The following KCNIP2 variants were observed in gnomAD, a reference collection of about 807,000 sequenced individuals.
KCNIP2 encodes the protein potassium voltage-gated channel interacting protein 2.
KCNIP2 carries 19 observed loss-of-function variants against 39.0 expected under a neutral mutation model. That is an observed-to-expected ratio of 0.49 (90% CI 0.34 to 0.71). The LOEUF (loss-of-function observed/expected upper bound fraction) is 0.71. Among genes scored for constraint, KCNIP2 ranks in the 30% least tolerant of loss-of-function variants. The probability of loss-of-function intolerance (pLI) is 0.01; values close to 1 mark genes in which losing one functional copy is unlikely to be tolerated. For synonymous variants in KCNIP2, 111 were observed against 131.2 expected, an observed-to-expected ratio of 0.85 and a Z score of 1.05; for missense variants, 261 against 346.0, an observed-to-expected ratio of 0.75 and a Z score of 1.95.
In KCNIP2 at chr10:101,828,207, G is replaced by A; in HGVS notation, c.541C>T (p.Leu181Phe). Residue 181 changes from leucine (L) to phenylalanine (F), a missense_variant, in exon 7 of 10, where the codon CTT (leucine) becomes TTT (phenylalanine). Leu to Phe is a conservative substitution (Grantham distance 22). Coordinates refer to ENST00000356640, the MANE Select transcript of KCNIP2 (RefSeq NM_173191.3). This position sits in a 1 kb window ranked among gnomAD's most constrained non-coding sequence, Gnocchi z 6.6. ...VILRGTVDDR[L>F]NWAFNLYDLN... is the part of the protein sequence containing the mutation. ...TCATACAGGTTGAAGGCCCAATTAA[G>A]CCTGTCATCTACAGTTCCCCGAAGA... 6.2e-7 allele frequency: 1 copy of A among 1,614,138 alleles called. No individual in the cohort carries two copies. Among genetic ancestry groups the A allele is most frequent in the Non-Finnish European group, 8.5e-7 (1 of 1,180,036 alleles).
intron 1 of KCNIP2, chr10:101,839,838 C>A: frequency 6.2e-7 from 1 of 1,601,496 alleles, no homozygotes; most frequent in Non-Finnish European, 8.5e-7. Flanking sequence ...GGCATCGGTT[C>A]ATGGTTTGGC....
At chr10:101,839,260 A>G (rs1225441259) in intron 1 of KCNIP2, among the ~76,000 whole-genome samples, 1 of 152,214 alleles carries the variant, frequency 6.6e-6, no homozygotes, top group East Asian at 1.9e-4. Flanking sequence ...ACACAAGTCT[A>G]TCAGTCCCAT....
rs1431521701 is a variant in KCNIP2 at position 101,838,574 on chromosome 10, G to C, written c.73+4922C>G. On this transcript the variant is annotated intron_variant, in intron 1 of 9. Transcript: ENST00000356640. This position sits in a 1 kb window ranked among gnomAD's most constrained non-coding sequence, Gnocchi z 4.0. ...CTCCCTAGACGTTGGGGCTATTTTG[G>C]GTCCTGGAAGTCATGCCTGCAATGA... 1.3e-5 allele frequency among the ~76,000 whole-genome samples: 2 copies of C among 152,146 alleles called. No individual in the cohort carries two copies. Among genetic ancestry groups the C allele is most frequent in the Admixed American group, 1.3e-4 (2 of 15,276 alleles).
chr10:101,827,239 A>T lies in KCNIP2; in HGVS notation c.*114T>A. 1 of 1,418,116 alleles carries T rather than the reference A, an allele frequency of 7.1e-7. No homozygotes were observed. Among genetic ancestry groups the T allele is most frequent in the Non-Finnish European group, 9.2e-7 (1 of 1,083,032 alleles). The allele number at this position is 1,418,116 out of a possible 1,614,324, so 87.8% of individuals were successfully genotyped here. On this transcript the variant is annotated 3_prime_UTR_variant, in exon 10 of 10. Transcript: ENST00000356640. ...AATCCCCAAGCTCTTGGATCCCTCCAGCCCCCAGGGAGGCGTAGGATGAGG... is the reference window on the plus strand; with the variant it reads ...AATCCCCAAGCTCTTGGATCCCTCCTGCCCCCAGGGAGGCGTAGGATGAGG...
At chr10:101,839,128 C>A (rs755239302) in intron 1 of KCNIP2, among the ~76,000 whole-genome samples, 3 of 152,208 alleles carry the variant, frequency 2.0e-5, no homozygotes, top group Non-Finnish European at 4.4e-5. Flanking sequence ...CCAGTGATCA[C>A]AACCCCAGGG....
intron 1 of KCNIP2, chr10:101,839,800 T>C: frequency 6.2e-7 from 1 of 1,611,074 alleles, no homozygotes; most frequent in Non-Finnish European, 8.5e-7. Flanking sequence ...TCGCGCTGCC[T>C]GCCCCAGCGG....
intron 1 of KCNIP2, among the ~76,000 whole-genome samples, chr10:101,837,406 C>T (rs2066196031): frequency 6.6e-6 from 1 of 152,124 alleles, no homozygotes; most frequent in African/African-American, 2.4e-5. Flanking sequence ...TGCAGTGGCT[C>T]ACGCCTATAA....
At position 101,843,736 on chromosome 10, in the gene KCNIP2, G is replaced by A; in HGVS notation, c.-168C>T. On this transcript the variant is annotated 5_prime_UTR_variant, in exon 1 of 10. Transcript: ENST00000356640. The surrounding 1 kb of genome is among the most constrained non-coding windows in gnomAD (Gnocchi z 6.7). ...CCCGGGGTCTGAGGTCTACCCGGAG[G>A]TCCTGGAGCAGGAGAGGGAACACTA... is the stretch of plus-strand genomic sequence containing the variant. 2 of 416,320 alleles carry A rather than the reference G, an allele frequency of 4.8e-6. No individual in the cohort carries two copies. The highest frequency in any genetic ancestry group is 6.0e-5 in the South Asian group (1 of 16,686). 25.8% of individuals were successfully genotyped at this position (416,320 alleles called of 1,614,324 possible).
intron 1 of KCNIP2, among the ~76,000 whole-genome samples, chr10:101,833,288 A>G (rs2066051851): frequency 6.6e-6 from 1 of 152,034 alleles, no homozygotes; most frequent in South Asian, 2.1e-4. Flanking sequence ...CTCCACCCCA[A>G]TATTACTCTC....
intron 1 of KCNIP2, among the ~76,000 whole-genome samples, chr10:101,834,522 T>A (rs1240119443): frequency 1.3e-5 from 2 of 152,008 alleles, no homozygotes; most frequent in African/African-American, 2.4e-5. Context: ...CTCTCCCCCA[T>A]CACCCCGCCT....
intron 1 of KCNIP2, among the ~76,000 whole-genome samples, chr10:101,836,466 C>T (rs1315581326): frequency 6.6e-6 from 1 of 151,944 alleles, no homozygotes; most frequent in Non-Finnish European, 1.5e-5. Flanking sequence ...GAACTCCTGG[C>T]CTGAAGTGAT....
chr10:101,835,898 A>G (rs967198693), intron 1 of KCNIP2, among the ~76,000 whole-genome samples: 1 of 152,258 alleles, frequency 6.6e-6, no homozygotes, highest in African/African-American at 2.4e-5. Context: ...TAAGTCAAAG[A>G]GAAGTTAAGC....
rs1337006951 is a variant in KCNIP2 at position 101,827,088 on chromosome 10, G to T, written c.*265C>A. On this transcript the variant is annotated 3_prime_UTR_variant, in exon 10 of 10. Coordinates refer to ENST00000356640, the MANE Select transcript of KCNIP2 (RefSeq NM_173191.3). The stretch of plus-strand genomic sequence containing the variant: ...GTGGGGAACCGCTCAATTCCTACAG[G>T]AGGGGCACTCTCAACACTGGGTGTC... 6.2e-6 allele frequency: 4 copies of T among 648,864 alleles called. No individual in the cohort carries two copies. Among genetic ancestry groups the T allele is most frequent in the Non-Finnish European group, 6.6e-6 (3 of 453,962 alleles). 40.2% of individuals were successfully genotyped at this position (648,864 alleles called of 1,614,324 possible).
intron 1 of KCNIP2, among the ~76,000 whole-genome samples, chr10:101,835,139 T>C (rs755381): frequency 0.2 from 30,091 of 152,068 alleles, 3,286 homozygotes; most frequent in East Asian, 0.48. Flanking sequence ...TATGGATGTG[T>C]TGTATAATTT....
intron 1 of KCNIP2, among the ~76,000 whole-genome samples, chr10:101,841,041 G>A (rs2066319539): frequency 6.6e-6 from 1 of 152,238 alleles, no homozygotes; most frequent in African/African-American, 2.4e-5. Flanking sequence ...CAGCGGCCCC[G>A]CCGGGCTGGG....
intron 3 of KCNIP2, 40 bp from the exon 4 acceptor site, chr10:101,829,239 C>A (rs1435222879): frequency 6.3e-7 from 1 of 1,577,584 alleles, no homozygotes; most frequent in East Asian, 2.3e-5. Flanking sequence ...CAGGCCCAGC[C>A]TCCGCGACCC....
At chr10:101,831,702 G>A (rs1265289575) in intron 1 of KCNIP2, among the ~76,000 whole-genome samples, 1 of 152,010 alleles carries the variant, frequency 6.6e-6, no homozygotes, top group Non-Finnish European at 1.5e-5. Flanking sequence ...ATACAAATGT[G>A]ACCTAAGTAA....
At chr10:101,834,434 C>T (rs1179924780) in intron 1 of KCNIP2, 1 of 398,894 alleles carries the variant, frequency 2.5e-6, no homozygotes, top group South Asian at 1.3e-4. Context: ...CGCCTCACAC[C>T]ACCTCCCCCT....
chr10:101,827,333 C>G lies in KCNIP2; in HGVS notation c.*20G>C. The G allele has an allele frequency of 1.3e-6, 2 of 1,593,006 alleles. No individual in the cohort carries two copies. Among genetic ancestry groups the G allele is most frequent in the Non-Finnish European group, 8.6e-7 (1 of 1,166,112 alleles). ...TAGAGCATGGTCCCCCCAGGAAACA[C>G]TGACCCCCTCTCCTGGGGGCTAGAT... On this transcript the variant is annotated 3_prime_UTR_variant, in exon 10 of 10. Transcript: ENST00000356640.
Sources: gnomAD v4.1 joint callset for allele counts (sites outside exome capture counted in the v4.1 genomes callset) on GRCh38, gnomAD v4.1.1 for gene constraint, Gnocchi (gnomAD v3.1) non-coding constraint, MANE v1.5 for transcripts, NCBI Gene and HGNC (gene_info 2026-07-23, HGNC 2026-07-21) for gene names.